CDH11: variants seen among roughly 807,000 people sequenced by gnomAD.
CDH11 encodes cadherin-11.
In CDH11, 11 loss-of-function variants were observed where a neutral mutation model predicts 67.8. That is an observed-to-expected ratio of 0.16 (90% confidence interval 0.10 to 0.27). The LOEUF (loss-of-function observed/expected upper bound fraction) is 0.27. CDH11 is among the 10% of genes least tolerant of loss of function. The pLI is 1.00. For missense variants in CDH11, 847 were observed against 1,031.2 expected (o/e 0.82, Z 2.45); for synonymous variants, 419 against 400.0 (o/e 1.05, Z -0.57).
chr16:64,991,970 G>A (rs180800406), intron 5 of CDH11, 35 bp from the exon 6 acceptor site: 102 of 1,478,278 alleles, frequency 6.9e-5, no homozygotes, highest in African/African-American at 4.7e-4. Context: ...ACAGATATTC[G>A]TTTATAACAT....
chr16:65,088,507 G>A (rs1178171061), intron 1 of CDH11, among the ~76,000 whole-genome samples: 2 of 152,076 alleles, frequency 1.3e-5, no homozygotes, highest in East Asian at 1.9e-4. Context: ...TATACCACAA[G>A]TAATTCTCTA....
chr16:64,973,104 T>C, intron 8 of CDH11, 64 bp from the exon 9 acceptor site: 1 of 1,448,352 alleles, frequency 6.9e-7, no homozygotes, highest in Non-Finnish European at 9.5e-7. Flanking sequence ...ATTTGAATAT[T>C]TTCTCCATGC....
At position 65,063,388 on chromosome 16, in the gene CDH11, C is replaced by A. The variant is rs143384976; in HGVS notation, c.-297-9460G>T. 3.3e-4 allele frequency among the ~76,000 whole-genome samples: 50 copies of A among 152,242 alleles called. No individual in the cohort carries two copies. In the East Asian group the frequency reaches 9.1e-3, roughly 28 times the overall value. On this transcript the variant is annotated intron_variant, in intron 1 of 12. Transcript: ENST00000268603. ...AAGCACTGTCAACAGCTATGTGGAG[C>A]TGGGTCATCTTACCAGACTGTGCTT... is the stretch of plus-strand genomic sequence containing the variant.
chr16:65,022,911 G>C (rs1397124783), intron 2 of CDH11, among the ~76,000 whole-genome samples: 1 of 152,154 alleles, frequency 6.6e-6, no homozygotes, highest in Non-Finnish European at 1.5e-5. Flanking sequence ...ACATGACTCT[G>C]GTGTCCCAGG....
In CDH11 at chr16:65,001,981, C is replaced by G. The variant is rs140983862; in HGVS notation, c.228+2661G>C. ...TGAAAGTCCATGGTTTACCAAATTT[C>G]ACTTTTTCAGGGCATCTTAAGCACT... On this transcript the variant is annotated intron_variant, in intron 3 of 12. Coordinates refer to ENST00000268603, the MANE Select transcript of CDH11 (RefSeq NM_001797.4). Among the ~76,000 whole-genome samples, 21 of 152,272 alleles carry G rather than the reference C, an allele frequency of 1.4e-4. 1 individual carries two copies. The Middle Eastern group carries it at 0.017, about 123-fold the overall frequency.
chr16:64,982,038 C>A lies in CDH11; in HGVS notation c.1253+10G>T. On this transcript the variant is annotated intron_variant, in intron 8 of 12. Transcript: ENST00000268603. ...CCCCATCCAAGCTCTTAAAATAAAT[C>A]CGTCTGTACCTTATCGGGCTGTTGG... 1.3e-6 allele frequency: 2 copies of A among 1,579,498 alleles called. No individual in the cohort carries two copies. The highest frequency in any genetic ancestry group is 1.2e-5 in the South Asian group (1 of 85,268).
At chr16:65,118,698 C>A (rs537374510) in intron 1 of CDH11, 3 of 152,204 alleles carry the variant, frequency 2.0e-5, no homozygotes, top group South Asian at 4.2e-4. Flanking sequence ...GAAAAAAAAA[C>A]TTGAAAGTTC....
intron 2 of CDH11, among the ~76,000 whole-genome samples, chr16:65,037,638 C>T (rs1236628635): frequency 1.3e-5 from 2 of 151,994 alleles, no homozygotes; most frequent in Admixed American, 1.3e-4. Context: ...CTAGAGTAAC[C>T]CCCATCAAAG....
intron 5 of CDH11, 93 bp downstream of exon 5, chr16:64,992,822 T>C: frequency 1.6e-6 from 2 of 1,253,914 alleles, no homozygotes; most frequent in Non-Finnish European, 2.3e-6. Context: ...TCCTTTTTCA[T>C]ATTTGAGAAA....
intron 11 of CDH11, among the ~76,000 whole-genome samples, chr16:64,952,437 T>G (rs929560413): frequency 6.6e-6 from 1 of 152,216 alleles, no homozygotes; most frequent in Admixed American, 6.5e-5. Flanking sequence ...ACAAATGGCA[T>G]AACTGTGTTC....
chr16:65,032,943 T>C (rs2073673729), intron 2 of CDH11, among the ~76,000 whole-genome samples: 1 of 152,172 alleles, frequency 6.6e-6, no homozygotes, highest in African/African-American at 2.4e-5. Context: ...CAGCAGCAAT[T>C]AGGCATCTTC....
chr16:65,115,728 A>AC (rs1211159106), intron 1 of CDH11, among the ~76,000 whole-genome samples: 7 of 149,966 alleles, frequency 4.7e-5, no homozygotes, highest in Admixed American at 1.3e-4. Flanking sequence ...AAAACAAAAA[A>AC]ACAAAACCTC....
chr16:65,063,380 A>C (rs892436631), intron 1 of CDH11, among the ~76,000 whole-genome samples: 5 of 152,248 alleles, frequency 3.3e-5, no homozygotes, highest in Admixed American at 2.6e-4. Flanking sequence ...GTCAACAGCT[A>C]TGTGGAGCTG....
intron 1 of CDH11, among the ~76,000 whole-genome samples, chr16:65,065,251 C>A (rs2074295147): frequency 6.6e-6 from 1 of 152,132 alleles, no homozygotes; most frequent in Non-Finnish European, 1.5e-5. Flanking sequence ...ACCTCATGCC[C>A]CTCCCTGTGA....
intron 1 of CDH11, among the ~76,000 whole-genome samples, chr16:65,073,855 CA>C (rs751350844): frequency 4.6e-5 from 7 of 152,102 alleles, no homozygotes; most frequent in Non-Finnish European, 1.0e-4. Context: ...GTGAGGCCAC[CA>C]CTGGTCCACA....
chr16:65,058,341 T>C (rs972761920), intron 1 of CDH11, among the ~76,000 whole-genome samples: 1 of 152,240 alleles, frequency 6.6e-6, no homozygotes, highest in Non-Finnish European at 1.5e-5. Flanking sequence ...TACTGTTGTA[T>C]AAACAAGTGA....
intron 1 of CDH11, among the ~76,000 whole-genome samples, chr16:65,076,980 G>T (rs1170752329): frequency 6.6e-6 from 1 of 151,912 alleles, no homozygotes; most frequent in Non-Finnish European, 1.5e-5. Flanking sequence ...TTTTCTCAGG[G>T]GCAACTGAGG....
At position 64,944,019 on chromosome 16, in the gene CDH11, G is replaced by A. The variant is rs1445650341; in HGVS notation, c.*3584C>T. 5 of 231,972 alleles carry A rather than the reference G, an allele frequency of 2.2e-5. No homozygotes were observed. The highest frequency in any genetic ancestry group is 3.6e-4 in the South Asian group (2 of 5,524). 14.4% of individuals were successfully genotyped at this position (231,972 alleles called of 1,614,324 possible). ...CGTGTTTTTTTTTGTATCAGGAACC[G>A]AAAGATGGCCAGTGTGGCTGGAGCA... On this transcript the variant is annotated 3_prime_UTR_variant, in exon 13 of 13. Transcript: ENST00000268603.
chr16:65,017,311 C>T (rs1276090545), intron 2 of CDH11, among the ~76,000 whole-genome samples: 1 of 152,098 alleles, frequency 6.6e-6, no homozygotes, highest in Non-Finnish European at 1.5e-5. Context: ...ATCCTTTTTG[C>T]AAGGGAACGC....
Sources: allele counts gnomAD v4.1 joint callset (sites outside exome capture counted in the v4.1 genomes callset), GRCh38; gene constraint gnomAD v4.1.1; transcripts MANE v1.5; gene names NCBI Gene and HGNC (gene_info 2026-07-23, HGNC 2026-07-21).